Variants in RALGPS1 observed in about 807,000 individuals in gnomAD.
RALGPS1 encodes Ral GEF with PH domain and SH3 binding motif 1, also known as ras-specific guanine nucleotide-releasing factor RalGPS1.
In RALGPS1, 19 loss-of-function variants were observed where a neutral mutation model predicts 78.8. The observed-to-expected ratio is 0.24, with a 90% CI of 0.17 to 0.35. The LOEUF (loss-of-function observed/expected upper bound fraction) is 0.35, where lower values mean the gene tolerates loss of function less well. Among genes scored for constraint, RALGPS1 ranks in the 10% least tolerant of loss-of-function variants. RALGPS1 has a pLI of 1.00. For missense variants in RALGPS1, 454 were observed against 688.3 expected (o/e 0.66, Z 3.81); for synonymous variants, 228 against 256.3 (o/e 0.89, Z 1.06).
intron 8 of RALGPS1, among the ~76,000 whole-genome samples, chr9:127,141,400 G>T (rs551853185): frequency 3.3e-5 from 5 of 152,164 alleles, no homozygotes; most frequent in South Asian, 2.1e-4. Flanking sequence ...ACGCAAAGCT[G>T]CCTCCCTCCC....
chr9:127,053,510 C>T (rs762782652), intron 7 of RALGPS1, among the ~76,000 whole-genome samples: 7 of 152,328 alleles, frequency 4.6e-5, no homozygotes, highest in East Asian at 3.9e-4. Context: ...TATGCTCCTT[C>T]GCTTGGCATA....
intron 7 of RALGPS1, among the ~76,000 whole-genome samples, chr9:127,056,809 C>A (rs531549038): frequency 6.6e-6 from 1 of 152,242 alleles, no homozygotes; most frequent in Non-Finnish European, 1.5e-5. Flanking sequence ...TATGTGTTGT[C>A]CTGAGTTGCA....
chr9:126,986,570 TG>T (rs1489986712), intron 4 of RALGPS1, among the ~76,000 whole-genome samples: 2 of 152,228 alleles, frequency 1.3e-5, no homozygotes, highest in African/African-American at 4.8e-5. Flanking sequence ...TCTGTCAGTA[TG>T]TCCAGTTCCC....
At chr9:126,969,908 T>C (rs1476719152) in intron 3 of RALGPS1, among the ~76,000 whole-genome samples, 2 of 152,210 alleles carry the variant, frequency 1.3e-5, no homozygotes, top group Non-Finnish European at 2.9e-5. Flanking sequence ...GGAGCTAGTA[T>C]GTCTTCAGCT....
intron 8 of RALGPS1, among the ~76,000 whole-genome samples, chr9:127,084,250 C>A (rs1290502092): frequency 6.6e-6 from 1 of 152,144 alleles, no homozygotes; most frequent in African/African-American, 2.4e-5. Flanking sequence ...TCGCTGGATC[C>A]CGGCCAGTCC....
At chr9:127,013,153 G>A (rs1202368225) in intron 4 of RALGPS1, among the ~76,000 whole-genome samples, 1 of 152,178 alleles carries the variant, frequency 6.6e-6, no homozygotes, top group Non-Finnish European at 1.5e-5. Context: ...TAAGGCAGTT[G>A]GGAAGAAAGT....
chr9:127,038,956 C>T (rs1309383848), intron 5 of RALGPS1, among the ~76,000 whole-genome samples: 1 of 152,014 alleles, frequency 6.6e-6, no homozygotes, highest in Non-Finnish European at 1.5e-5. Context: ...TTGGGCAGTC[C>T]CATCCTTGAG....
At chr9:126,956,248 G>C (rs970716282) in intron 1 of RALGPS1, among the ~76,000 whole-genome samples, 3 of 151,978 alleles carry the variant, frequency 2.0e-5, no homozygotes, top group African/African-American at 4.8e-5. Flanking sequence ...TGTTCTCAGG[G>C]CGGGGCTAGG....
At chr9:127,170,926 G>A (rs1378012144) in intron 10 of RALGPS1, among the ~76,000 whole-genome samples, 1 of 152,206 alleles carries the variant, frequency 6.6e-6, no homozygotes, top group African/African-American at 2.4e-5. Flanking sequence ...GGCCCCAAGG[G>A]GCAAGAGATG....
intron 8 of RALGPS1, among the ~76,000 whole-genome samples, chr9:127,071,336 T>A (rs1298411233): frequency 6.6e-6 from 1 of 152,178 alleles, no homozygotes; most frequent in Non-Finnish European, 1.5e-5. Context: ...GTGCATTTTC[T>A]TTCCACATTT....
At chr9:126,945,704 G>A (rs946927323) in intron 1 of RALGPS1, among the ~76,000 whole-genome samples, 20 of 152,164 alleles carry the variant, frequency 1.3e-4, no homozygotes, top group Admixed American at 1.3e-3. Context: ...TGCACACAGG[G>A]TGTTCTTGCC....
At chr9:127,102,715 AG>A (rs35053450) in intron 8 of RALGPS1, among the ~76,000 whole-genome samples, 1 of 152,190 alleles carries the variant, frequency 6.6e-6, no homozygotes, top group Non-Finnish European at 1.5e-5. Context: ...CAAAGCAATA[AG>A]GGAGCTGGCC....
intron 4 of RALGPS1, among the ~76,000 whole-genome samples, chr9:126,991,194 G>A (rs2042249434): frequency 6.6e-6 from 1 of 152,226 alleles, no homozygotes; most frequent in South Asian, 2.1e-4. Flanking sequence ...AGTGGAAACA[G>A]AGTAGAAAAG....
At chr9:126,994,218 A>C (rs982517335) in intron 4 of RALGPS1, among the ~76,000 whole-genome samples, 3 of 152,228 alleles carry the variant, frequency 2.0e-5, no homozygotes, top group Non-Finnish European at 4.4e-5. Flanking sequence ...GCTTCAGATG[A>C]TCAAACTACC....
chr9:127,146,569 G>A lies in RALGPS1; in HGVS notation c.611-19500G>A, dbSNP rs13299147. ...TTTTTTTTTTTTTTTTTGACTCAGC[G>A]TCTCAACTCTGTCATCTAGGCTGGA... On this transcript the variant is annotated intron_variant, in intron 8 of 18. Coordinates refer to ENST00000259351, the MANE Select transcript of RALGPS1 (RefSeq NM_014636.3). Among the ~76,000 whole-genome samples, 723 of 140,512 alleles carry A rather than the reference G, an allele frequency of 5.1e-3. 2 individuals are homozygous for A. Among genetic ancestry groups the A allele is most frequent in the Non-Finnish European group, 7.7e-3 (509 of 66,320 alleles). 92.2% of individuals were successfully genotyped at this position (140,512 alleles called of 152,430 possible). A position where few individuals can be genotyped will look rare whatever the true frequency, so the allele number is the denominator to read the frequency against.
intron 8 of RALGPS1, among the ~76,000 whole-genome samples, chr9:127,130,626 A>G (rs2056938507): frequency 6.6e-6 from 1 of 152,244 alleles, no homozygotes; most frequent in African/African-American, 2.4e-5. Context: ...AAGCAAGCTT[A>G]TGGAAAGACA....
chr9:126,999,263 T>TC (rs888078135), intron 4 of RALGPS1, among the ~76,000 whole-genome samples: 2 of 152,012 alleles, frequency 1.3e-5, no homozygotes, highest in African/African-American at 4.8e-5. Flanking sequence ...ATGCACAGCC[T>TC]CCCCCACTAT....
intron 14 of RALGPS1, among the ~76,000 whole-genome samples, chr9:127,200,069 C>T (rs1213661795): frequency 6.6e-6 from 1 of 152,178 alleles, no homozygotes; most frequent in East Asian, 1.9e-4. Flanking sequence ...CACTGTCACA[C>T]GTGGGTGTAT....
At chr9:127,174,641 T>C (rs1256474729) in intron 10 of RALGPS1, 74 bp from the exon 11 acceptor site, 2 of 1,382,282 alleles carry the variant, frequency 1.4e-6, no homozygotes, top group Admixed American at 3.4e-5. Flanking sequence ...CTATAGTAGC[T>C]TTTCCCAGCC....
Sources: gnomAD v4.1 joint callset for allele counts (sites outside exome capture counted in the v4.1 genomes callset) on GRCh38, gnomAD v4.1.1 for gene constraint, MANE v1.5 for transcripts, NCBI Gene and HGNC (gene_info 2026-07-23, HGNC 2026-07-21) for gene names.